Variants in OR52E5 observed in about 807,000 individuals in gnomAD.
The protein encoded by OR52E5 is olfactory receptor family 52 subfamily E member 5.
rs1847128390 is a variant in OR52E5 at position 5,893,214 on chromosome 11, G to A, written c.-284G>A. The A allele has an allele frequency of 6.6e-6, 1 of 152,266 alleles. No homozygotes were observed. Among genetic ancestry groups the A allele is most frequent in the East Asian group, 1.9e-4 (1 of 5,184 alleles). The allele number at this position is 152,266 out of a possible 1,614,324, so 9.4% of individuals were successfully genotyped here. On this transcript the variant is annotated 5_prime_UTR_variant, in exon 1 of 3. Coordinates refer to ENST00000610445, the MANE Select transcript of OR52E5 (RefSeq NM_001005166.5). ...AATAGTAAGAACTATGTCGCATACA[G>A]GTTGCAGTCTGGGGTATCCGGTCCT...
chr11:5,900,814 C>G lies in OR52E5; in HGVS notation c.38C>G (p.Thr13Ser), dbSNP rs1395612602. Reference sequence around the variant, plus strand: ...AACAATACACAGTTTCACCCTTCCACCTTCCTCGTAGTGGGGGTCCCAGGG... The same window carrying G: ...AACAATACACAGTTTCACCCTTCCAGCTTCCTCGTAGTGGGGGTCCCAGGG... ...HTNNTQFHPS[T>S]FLVVGVPGLE... Residue 13 changes from threonine (T) to serine (S), a missense_variant, in exon 3 of 3, where the codon ACC becomes AGC. Physicochemically the swap from Thr to Ser is moderately conservative, Grantham distance 58. Transcript: ENST00000610445. 2.5e-6 allele frequency: 1 copy of G among 401,342 alleles called. No individual in the cohort carries two copies. The highest frequency in any genetic ancestry group is 3.6e-5 in the East Asian group (1 of 28,078). 24.9% of individuals were successfully genotyped at this position (401,342 alleles called of 1,614,324 possible).
chr11:5,896,819 C>A (rs569713888), intron 2 of OR52E5, among the ~76,000 whole-genome samples: 1 of 152,118 alleles, frequency 6.6e-6, no homozygotes, highest in Admixed American at 6.6e-5. Context: ...GTTTTTAATT[C>A]CCTGGCCTGA....
Position 5,900,174 on chromosome 11 carries a change from C to T in OR52E5, c.-145-458C>T, listed in dbSNP as rs188465877. Among the ~76,000 whole-genome samples, 248 of 152,184 alleles carry T rather than the reference C, an allele frequency of 1.6e-3. 4 individuals are homozygous for T. Among genetic ancestry groups the T allele is most frequent in the Admixed American group, 0.015 (225 of 15,264 alleles). On this transcript the variant is annotated intron_variant, in intron 2 of 2. Coordinates refer to ENST00000610445, the MANE Select transcript of OR52E5 (RefSeq NM_001005166.5). ...AGTTGTAAGAGGGAGCATTGTTTTT[C>T]TGGAATTATGCAATAGTTACCCTAT...
intron 2 of OR52E5, among the ~76,000 whole-genome samples, chr11:5,899,850 C>G (rs1349255665): frequency 6.6e-6 from 1 of 152,164 alleles, no homozygotes; most frequent in African/African-American, 2.4e-5. Context: ...GTAAACTAGC[C>G]TGCTGTGAAC....
At chr11:5,894,875 A>C (rs1847152584) in intron 1 of OR52E5, among the ~76,000 whole-genome samples, 1 of 152,156 alleles carries the variant, frequency 6.6e-6, no homozygotes, top group Non-Finnish European at 1.5e-5. Context: ...GCCACAGACA[A>C]TACATAAATG....
At chr11:5,895,081 CAA>C (rs1347429300) in intron 1 of OR52E5, among the ~76,000 whole-genome samples, 1 of 152,124 alleles carries the variant, frequency 6.6e-6, no homozygotes, top group African/African-American at 2.4e-5. Flanking sequence ...ACTTCACTGA[CAA>C]GAGAACCACT....
intron 2 of OR52E5, among the ~76,000 whole-genome samples, chr11:5,896,687 T>C (rs930554148): frequency 6.6e-6 from 1 of 152,216 alleles, no homozygotes; most frequent in Admixed American, 6.5e-5. Context: ...TCACACCACA[T>C]GTCTATAACT....
intron 1 of OR52E5, among the ~76,000 whole-genome samples, chr11:5,894,747 TG>T (rs1847150554): frequency 6.6e-6 from 1 of 152,214 alleles, no homozygotes; most frequent in Admixed American, 6.5e-5. Context: ...TTTATTCTTA[TG>T]GCTCAGGGGT....
intron 1 of OR52E5, 126 bp downstream of exon 1, chr11:5,893,396 G>A (rs1339952529): frequency 2.0e-5 from 3 of 152,092 alleles, no homozygotes; most frequent in Non-Finnish European, 4.4e-5. Flanking sequence ...ATCTTCTAAG[G>A]AAGTAGCAAG....
At chr11:5,899,861 T>C (rs1442100413) in intron 2 of OR52E5, among the ~76,000 whole-genome samples, 2 of 152,160 alleles carry the variant, frequency 1.3e-5, no homozygotes, top group Non-Finnish European at 2.9e-5. Flanking sequence ...TGCTGTGAAC[T>C]TAAACATATC....
In OR52E5 at chr11:5,901,022, G is replaced by C. The variant is rs181342176; in HGVS notation, c.246G>C (p.Lys82Asn). ...GCTTGTCTACAGCAACCATCCCCAA[G>C]ATGCTGGGAATTTTCTGGTTTAATC... Reference protein sequence around the residue: ...DLGLSTATIPKMLGIFWFNLG... With the variant: ...DLGLSTATIPNMLGIFWFNLG... The change falls in exon 3 of 3, where the codon AAG becomes AAC. Residue 82 changes from lysine (K) to asparagine (N), a missense_variant. Physicochemically the swap from Lys to Asn is moderately conservative, Grantham distance 94 (BLOSUM62 0). Coordinates refer to ENST00000610445, the MANE Select transcript of OR52E5 (RefSeq NM_001005166.5). The C allele has an allele frequency of 4.6e-4, 186 of 402,010 alleles. No homozygotes were observed. The highest frequency in any genetic ancestry group is 3.4e-3 in the African/African-American group (165 of 48,802). 24.9% of individuals were successfully genotyped at this position (402,010 alleles called of 1,614,324 possible). A position where few individuals can be genotyped will look rare whatever the true frequency, so the allele number is the denominator to read the frequency against.
rs2134297743 is a variant in OR52E5 at position 5,901,261 on chromosome 11, C to T, written c.485C>T (p.Thr162Ile). The T allele has an allele frequency of 2.5e-6, 1 of 401,680 alleles. No individual in the cohort carries two copies. Among genetic ancestry groups the T allele is most frequent in the Non-Finnish European group, 4.4e-6 (1 of 226,358 alleles). 24.9% of individuals were successfully genotyped at this position (401,680 alleles called of 1,614,324 possible). A position where few individuals can be genotyped will look rare whatever the true frequency, so the allele number is the denominator to read the frequency against. Residue 162 changes from threonine to isoleucine, a missense_variant, in exon 3 of 3, where the codon ACA becomes ATA. Thr to Ile is a moderately conservative substitution (Grantham distance 89). Transcript: ENST00000610445. ...VRTLVFVTPF[T>I]FLILRLPFCG... Reference sequence around the variant, plus strand: ...ACTTTGGTATTTGTGACTCCATTCACATTTCTCATCCTGAGATTGCCTTTC... The same window carrying T: ...ACTTTGGTATTTGTGACTCCATTCATATTTCTCATCCTGAGATTGCCTTTC...
intron 2 of OR52E5, among the ~76,000 whole-genome samples, chr11:5,899,361 T>G (rs1479413865): frequency 6.6e-6 from 1 of 152,162 alleles, no homozygotes; most frequent in African/African-American, 2.4e-5. Flanking sequence ...TATCATAAAG[T>G]ATCTTCCCTC....
chr11:5,898,584 T>A (rs1245612839), intron 2 of OR52E5, among the ~76,000 whole-genome samples: 1 of 152,224 alleles, frequency 6.6e-6, no homozygotes, highest in African/African-American at 2.4e-5. Context: ...GGCCTCATAT[T>A]CAAGTTTTTA....
intron 2 of OR52E5, among the ~76,000 whole-genome samples, chr11:5,899,921 G>A (rs1177777418): frequency 1.3e-5 from 2 of 152,070 alleles, no homozygotes; most frequent in Admixed American, 6.6e-5. Context: ...ATACAAACTA[G>A]ACTGTCCCCA....
At chr11:5,896,998 A>C (rs1363927966) in intron 2 of OR52E5, among the ~76,000 whole-genome samples, 1 of 152,210 alleles carries the variant, frequency 6.6e-6, no homozygotes, top group Non-Finnish European at 1.5e-5. Flanking sequence ...TTTTAGTAAA[A>C]GACAAAATGT....
intron 1 of OR52E5, among the ~76,000 whole-genome samples, chr11:5,894,069 T>G (rs1182379055): frequency 6.6e-6 from 1 of 152,132 alleles, no homozygotes; most frequent in Non-Finnish European, 1.5e-5. Context: ...TATATAACAA[T>G]AGGGAAGATT....
Position 5,893,884 on chromosome 11 carries a change from A to G in OR52E5, c.-228+614A>G, listed in dbSNP as rs578037197. On this transcript the variant is annotated intron_variant, in intron 1 of 2. Coordinates refer to ENST00000610445, the MANE Select transcript of OR52E5 (RefSeq NM_001005166.5). ...GATCAAACCATCTCCAGAGCTTCATATCGTATCATTTGAGGCTTCAGATGT... is the reference window on the plus strand; with the variant it reads ...GATCAAACCATCTCCAGAGCTTCATGTCGTATCATTTGAGGCTTCAGATGT... Among the ~76,000 whole-genome samples, 4 of 152,262 alleles carry G rather than the reference A, an allele frequency of 2.6e-5. No homozygotes were observed. The South Asian group carries it at 8.3e-4, about 32-fold the overall frequency.
chr11:5,897,868 CT>C (rs1847197127), intron 2 of OR52E5, among the ~76,000 whole-genome samples: 1 of 151,796 alleles, frequency 6.6e-6, no homozygotes, highest in African/African-American at 2.4e-5. Context: ...TGTTTGTCTG[CT>C]TGTTCATTTT....
Sources: allele counts gnomAD v4.1 joint callset (sites outside exome capture counted in the v4.1 genomes callset), GRCh38; gene constraint gnomAD v4.1.1; transcripts MANE v1.5; gene names NCBI Gene and HGNC (gene_info 2026-07-23, HGNC 2026-07-21).